Variants in SPTB observed in about 807,000 individuals in gnomAD.
SPTB encodes the protein spectrin beta chain, erythrocytic.
SPTB carries 45 observed loss-of-function variants against 256.2 expected under a neutral mutation model. The ratio of observed to expected loss-of-function variants is 0.18; its 90% CI spans 0.14 to 0.23. The LOEUF is 0.23. Among genes scored for constraint, SPTB ranks in the 10% least tolerant of loss-of-function variants. The pLI, the probability that SPTB is intolerant of heterozygous loss-of-function variation, is 1.00. For synonymous variants in SPTB, 1,231 were observed against 1,243.1 expected (o/e 0.99, Z 0.21); for missense variants, 2,715 against 3,040.4 (o/e 0.89, Z 2.52).
intron 1 of SPTB, among the ~76,000 whole-genome samples, chr14:64,851,780 G>A (rs560071496): frequency 7.0e-4 from 106 of 151,758 alleles, no homozygotes; most frequent in African/African-American, 2.4e-3. Flanking sequence ...ACCAAACACC[G>A]CATGTTAGCA....
chr14:64,804,293 A>G (rs935802704), intron 3 of SPTB, among the ~76,000 whole-genome samples: 1 of 152,210 alleles, frequency 6.6e-6, no homozygotes, highest in African/African-American at 2.4e-5. Flanking sequence ...GAACTTCAGC[A>G]TGGAGTTGAA....
chr14:64,754,124 G>T, intron 32 of SPTB: 1 of 444,680 alleles, frequency 2.2e-6, no homozygotes, highest in Non-Finnish European at 4.2e-6. Flanking sequence ...TTAAAGGGGT[G>T]TGAGGGGGGG....
Position 64,826,837 on chromosome 14 carries a change from C to T in SPTB, c.-51-3692G>A, listed in dbSNP as rs1329237366. 2.0e-5 allele frequency among the ~76,000 whole-genome samples: 3 copies of T among 152,166 alleles called. No homozygotes were observed. The highest frequency in any genetic ancestry group is 4.4e-5 in the Non-Finnish European group (3 of 68,036). ...GTCATCCTTACCTGCCTTCTGCCAC[C>T]ACCGACCCCAGGCTATATTTTGAGT... On this transcript the variant is annotated intron_variant, in intron 1 of 35. Transcript: ENST00000644917. The surrounding 1 kb of genome is among the most constrained non-coding windows in gnomAD (Gnocchi z 4.4).
At chr14:64,765,433 C>T (rs2082155511) in intron 32 of SPTB, among the ~76,000 whole-genome samples, 1 of 152,108 alleles carries the variant, frequency 6.6e-6, no homozygotes, top group South Asian at 2.1e-4. Flanking sequence ...CCCATGGAGT[C>T]CTAAGGGGCC....
In SPTB at chr14:64,805,206, G is replaced by A. The variant is rs980965356; in HGVS notation, c.149-116C>T. On this transcript the variant is annotated intron_variant, in intron 2 of 35. Coordinates refer to ENST00000644917, the MANE Select transcript of SPTB (RefSeq NM_001355436.2). The stretch of plus-strand genomic sequence containing the variant: ...ACCCCCATGCTTGGCAGAGGAAGTC[G>A]ATGTATTCATTCCACTCCCTTCCTT... 9 of 1,168,682 alleles carry A rather than the reference G, an allele frequency of 7.7e-6. No individual in the cohort carries two copies. The African/African-American group carries it at 1.2e-4, about 16-fold the overall frequency. 72.4% of individuals were successfully genotyped at this position (1,168,682 alleles called of 1,614,324 possible).
chr14:64,832,622 C>T (rs1043402207), intron 1 of SPTB, among the ~76,000 whole-genome samples: 8 of 152,170 alleles, frequency 5.3e-5, no homozygotes, highest in African/African-American at 1.7e-4. Context: ...CCTAAGAAGG[C>T]CCACAAGCCC....
Position 64,823,177 on chromosome 14 carries a change from C to G in SPTB, c.-51-32G>C. 6.5e-7 allele frequency: 1 copy of G among 1,545,072 alleles called. No individual in the cohort carries two copies. Among genetic ancestry groups the G allele is most frequent in the Non-Finnish European group, 8.9e-7 (1 of 1,119,098 alleles). On this transcript the variant is annotated intron_variant, in intron 1 of 35. Coordinates refer to ENST00000644917, the MANE Select transcript of SPTB (RefSeq NM_001355436.2). This position sits in a 1 kb window ranked among gnomAD's most constrained non-coding sequence, Gnocchi z 6.5. ...GACAGCAACACAGTCAGAGGGTTAT[C>G]TCTCTACCCCCTCGGACTTTTTCTC...
At position 64,793,651 on chromosome 14, in the gene SPTB, C is replaced by G; in HGVS notation, c.2012G>C (p.Ser671Thr). 6.2e-7 allele frequency: 1 copy of G among 1,614,182 alleles called. No homozygotes were observed. Among genetic ancestry groups the G allele is most frequent in the Non-Finnish European group, 8.5e-7 (1 of 1,180,050 alleles). The change falls in exon 14 of 36, where the codon AGT becomes ACT. Residue 671 changes from serine (S) to threonine (T), a missense_variant. Physicochemically the swap from Ser to Thr is moderately conservative, Grantham distance 58. Around this residue, in one of 4 missense-constraint regions of SPTB, gnomAD observed 2,239 missense variants for 2,384.4 expected, o/e 0.94. Transcript: ENST00000644917. This position sits in a 1 kb window ranked among gnomAD's most constrained non-coding sequence, Gnocchi z 7.0. ...GTGCTTGCGCTGTAAGATGAGCACA[C>G]TGGTCAGGTCTTTGCCATAGTCCAG... ...SSLDYGKDLT[S>T]VLILQRKHKA...
In SPTB at chr14:64,802,105, A is replaced by G; in HGVS notation, c.566+121T>C. 3 of 1,025,864 alleles carry G rather than the reference A, an allele frequency of 2.9e-6. 1 individual carries two copies. Among genetic ancestry groups the G allele is most frequent in the South Asian group, 2.7e-5 (2 of 74,696 alleles). The allele number at this position is 1,025,864 out of a possible 1,614,324, so 63.5% of individuals were successfully genotyped here. On this transcript the variant is annotated intron_variant, in intron 5 of 35. Coordinates refer to ENST00000644917, the MANE Select transcript of SPTB (RefSeq NM_001355436.2). The surrounding 1 kb of genome is among the most constrained non-coding windows in gnomAD (Gnocchi z 5.1). ...TCAGGTCAGGACAGACTTTGCATCA[A>G]TTACAGGGAGGCAGCTGTAGTTCTG...
In SPTB at chr14:64,749,803, C is replaced by G; in HGVS notation, c.6777-107G>C. ...CCCTGAGCCGAACATCCAGACCCCT[C>G]TCAGGCAGCCCAGCACTTTCTGAGA... On this transcript the variant is annotated intron_variant, in intron 34 of 35. Coordinates refer to ENST00000644917, the MANE Select transcript of SPTB (RefSeq NM_001355436.2). This position sits in a 1 kb window ranked among gnomAD's most constrained non-coding sequence, Gnocchi z 4.7. The G allele has an allele frequency of 1.3e-6, 2 of 1,514,096 alleles. No individual in the cohort carries two copies. Among genetic ancestry groups the G allele is most frequent in the Non-Finnish European group, 1.8e-6 (2 of 1,104,478 alleles). 93.8% of individuals were successfully genotyped at this position (1,514,096 alleles called of 1,614,324 possible). A position where few individuals can be genotyped will look rare whatever the true frequency, so the allele number is the denominator to read the frequency against.
chr14:64,779,530 A>C lies in SPTB; in HGVS notation c.4473+195T>G, dbSNP rs1367349212. Among the ~76,000 whole-genome samples, 1 of 152,222 alleles carries C rather than the reference A, an allele frequency of 6.6e-6. No homozygotes were observed. Among genetic ancestry groups the C allele is most frequent in the African/African-American group, 2.4e-5 (1 of 41,460 alleles). ...TGCTCTTCACCGAGCAATACTAGCA[A>C]GTGAACAGTGCATTCCCAACAAAAG... On this transcript the variant is annotated intron_variant, in intron 21 of 35. Transcript: ENST00000644917. This position sits in a 1 kb window ranked among gnomAD's most constrained non-coding sequence, Gnocchi z 4.2.
intron 2 of SPTB, 78 bp downstream of exon 2, chr14:64,822,869 G>A: frequency 6.3e-7 from 1 of 1,587,410 alleles, no homozygotes; most frequent in Non-Finnish European, 8.6e-7. Flanking sequence ...ACACACAGAG[G>A]ATTCACACTA....
intron 1 of SPTB, among the ~76,000 whole-genome samples, chr14:64,833,900 C>T (rs1322974787): frequency 1.3e-5 from 2 of 152,158 alleles, no homozygotes; most frequent in African/African-American, 4.8e-5. Flanking sequence ...CATGTGGAGG[C>T]CCATTTGGAG....
intron 1 of SPTB, among the ~76,000 whole-genome samples, chr14:64,855,617 T>TG (rs11443863): frequency 0.94 from 142,695 of 152,152 alleles, 67,529 homozygotes; most frequent in Non-Finnish European, 0.98. Context: ...ACAATGTAAT[T>TG]CCTGAGAGAA....
Position 64,779,788 on chromosome 14 carries a change from C to A in SPTB, c.4410G>T (p.Arg1470Ser). ...CTCTGGATGATTCCAGCTGCTTCTT[C>A]CTCCTTCCTAGGGGTTCCAGGAGGT... ...FLDLLEPLGR[R>S]KKQLESSRAK... The change falls in exon 21 of 36, where the codon AGG (arginine) becomes AGT (serine). Residue 1470 changes from arginine to serine, a missense_variant. Around this residue, in one of 4 missense-constraint regions of SPTB, gnomAD observed 2,239 missense variants for 2,384.4 expected, o/e 0.94. Coordinates refer to ENST00000644917, the MANE Select transcript of SPTB (RefSeq NM_001355436.2). The surrounding 1 kb of genome is among the most constrained non-coding windows in gnomAD (Gnocchi z 4.2). 2 of 1,614,128 alleles carry A rather than the reference C, an allele frequency of 1.2e-6. No individual in the cohort carries two copies. Among genetic ancestry groups the A allele is most frequent in the Non-Finnish European group, 1.7e-6 (2 of 1,180,018 alleles).
intron 1 of SPTB, among the ~76,000 whole-genome samples, chr14:64,857,557 G>A (rs372933): frequency 0.14 from 18,678 of 136,832 alleles, 2,108 homozygotes; most frequent in African/African-American, 0.31. Flanking sequence ...CAGCCTGGGC[G>A]ACAGAGCAAG....
Position 64,779,643 on chromosome 14 carries a change from T to C in SPTB, c.4473+82A>G. 3 of 1,517,016 alleles carry C rather than the reference T, an allele frequency of 2.0e-6. No homozygotes were observed. The highest frequency in any genetic ancestry group is 2.0e-4 in the Middle Eastern group (1 of 5,024). 94.0% of individuals were successfully genotyped at this position (1,517,016 alleles called of 1,614,324 possible). On this transcript the variant is annotated intron_variant, in intron 21 of 35. Transcript: ENST00000644917. This position sits in a 1 kb window ranked among gnomAD's most constrained non-coding sequence, Gnocchi z 4.2. ...GTGACCAGTCATCTACTGCCAAAAATTGCTCTGGGTGGCAGCCAGCTACTC... is the reference window on the plus strand; with the variant it reads ...GTGACCAGTCATCTACTGCCAAAAACTGCTCTGGGTGGCAGCCAGCTACTC...
Position 64,767,735 on chromosome 14 carries a change from C to T in SPTB, c.6147G>A (p.Lys2049=). Residue 2049 remains lysine (K), a synonymous_variant, in exon 30 of 36, where the codon AAG becomes AAA. Coordinates refer to ENST00000644917, the MANE Select transcript of SPTB (RefSeq NM_001355436.2). ...HTVDSVEKLI[K]RHEAFEKSTA... ...TGGACTTCTCAAAAGCCTCATGCCT[C>T]TTGATGAGCTTCTCCACACTGTCCA... 2 of 1,614,212 alleles carry T rather than the reference C, an allele frequency of 1.2e-6. No homozygotes were observed. The highest frequency in any genetic ancestry group is 2.2e-5 in the South Asian group (2 of 91,078).
chr14:64,764,931 G>A lies in SPTB; in HGVS notation c.6345+1795C>T, dbSNP rs1239263545. ...AACTTCTGGGAGAGACCCTTCAGCA[G>A]GAGCCCAGCAGTGCCCTCTGCTGGG... On this transcript the variant is annotated intron_variant, in intron 32 of 35. Coordinates refer to ENST00000644917, the MANE Select transcript of SPTB (RefSeq NM_001355436.2). This position sits in a 1 kb window ranked among gnomAD's most constrained non-coding sequence, Gnocchi z 4.2. Among the ~76,000 whole-genome samples the A allele has an allele frequency of 6.6e-6, 1 of 152,102 alleles. No individual in the cohort carries two copies. Among genetic ancestry groups the A allele is most frequent in the African/African-American group, 2.4e-5 (1 of 41,400 alleles).
Sources: gnomAD v4.1 joint callset for allele counts (sites outside exome capture counted in the v4.1 genomes callset) on GRCh38, gnomAD v4.1.1 for gene constraint, gnomAD v4.1.1 regional missense constraint, Gnocchi (gnomAD v3.1) non-coding constraint, MANE v1.5 for transcripts, NCBI Gene and HGNC (gene_info 2026-07-23, HGNC 2026-07-21) for gene names.